The following MB21D2 variants were observed in gnomAD, a reference collection of about 807,000 sequenced individuals.
The protein encoded by MB21D2 is nucleotidyltransferase MB21D2.
In MB21D2, 9 loss-of-function variants were observed where a neutral mutation model predicts 33.3. The observed-to-expected ratio is 0.27, with a 90% CI of 0.16 to 0.47. The LOEUF (loss-of-function observed/expected upper bound fraction) is 0.47. Ranked by LOEUF, MB21D2 falls within the 20% of genes least tolerant of loss-of-function variation. The probability of loss-of-function intolerance (pLI) is 0.99; values close to 1 mark genes in which losing one functional copy is unlikely to be tolerated. For missense variants in MB21D2, 540 were observed against 624.6 expected (o/e 0.86, Z 1.44); for synonymous variants, 241 against 236.3 (o/e 1.02, Z -0.18).
intron 1 of MB21D2, among the ~76,000 whole-genome samples, chr3:192,898,326 A>G (rs1487395852): frequency 1.3e-5 from 2 of 151,872 alleles, no homozygotes; most frequent in African/African-American, 4.8e-5. Context: ...AGCAGCTGGG[A>G]CTACAGGTGT....
At position 192,871,144 on chromosome 3, in the gene MB21D2, G is replaced by A. The variant is rs141334398; in HGVS notation, c.211+46486C>T. 3.4e-3 allele frequency among the ~76,000 whole-genome samples: 514 copies of A among 152,264 alleles called. 1 individual carries two copies. The highest frequency in any genetic ancestry group is 0.012 in the African/African-American group (482 of 41,564). ...TCACACGGAACATGGGCATATTCACGAAGGCACGGACTGAGTCCATCTATT... is the reference window on the plus strand; with the variant it reads ...TCACACGGAACATGGGCATATTCACAAAGGCACGGACTGAGTCCATCTATT... On this transcript the variant is annotated intron_variant, in intron 1 of 1. Coordinates refer to ENST00000392452, the MANE Select transcript of MB21D2 (RefSeq NM_178496.4).
At chr3:192,838,982 G>C (rs1712511404) in intron 1 of MB21D2, among the ~76,000 whole-genome samples, 2 of 152,134 alleles carry the variant, frequency 1.3e-5, no homozygotes, top group African/African-American at 4.8e-5. Flanking sequence ...GCCTGGGTTT[G>C]AGACCCTACT....
chr3:192,868,889 G>A (rs1327143173), intron 1 of MB21D2, among the ~76,000 whole-genome samples: 14 of 152,298 alleles, frequency 9.2e-5, no homozygotes, highest in African/African-American at 3.4e-4. Context: ...AAATGACGTA[G>A]CCAATGAAAT....
At chr3:192,882,571 A>G (rs1713623298) in intron 1 of MB21D2, among the ~76,000 whole-genome samples, 1 of 152,060 alleles carries the variant, frequency 6.6e-6, no homozygotes, top group Admixed American at 6.5e-5. Context: ...GAGATGATGT[A>G]CCTGTGTTTC....
intron 1 of MB21D2, among the ~76,000 whole-genome samples, chr3:192,880,422 GGGTTCA>G (rs1713534793): frequency 6.6e-6 from 1 of 152,060 alleles, no homozygotes; most frequent in Admixed American, 6.5e-5. Flanking sequence ...ACAAAGTCTG[GGGTTCA>G]AGATATTTAT....
At chr3:192,905,115 T>C (rs1394282199) in intron 1 of MB21D2, among the ~76,000 whole-genome samples, 1 of 152,216 alleles carries the variant, frequency 6.6e-6, no homozygotes, top group East Asian at 1.9e-4. Flanking sequence ...CTGCAGCTGC[T>C]AAAAGGGTGA....
chr3:192,874,180 G>T (rs1398247831), intron 1 of MB21D2, among the ~76,000 whole-genome samples: 1 of 152,122 alleles, frequency 6.6e-6, no homozygotes, highest in East Asian at 1.9e-4. Flanking sequence ...GACCTGGGTA[G>T]CAGTAGTTAC....
intron 1 of MB21D2, among the ~76,000 whole-genome samples, chr3:192,850,894 T>C (rs905763578): frequency 3.3e-5 from 5 of 152,246 alleles, no homozygotes; most frequent in African/African-American, 1.2e-4. Flanking sequence ...TTTTTAAATA[T>C]GTCTTCTATC....
chr3:192,864,124 G>A (rs2108634969), intron 1 of MB21D2, among the ~76,000 whole-genome samples: 1 of 152,302 alleles, frequency 6.6e-6, no homozygotes. Flanking sequence ...ATCAGGGAAA[G>A]CTTTCTGTAA....
At chr3:192,908,676 CCA>C (rs1005061867) in intron 1 of MB21D2, among the ~76,000 whole-genome samples, 2 of 151,702 alleles carry the variant, frequency 1.3e-5, no homozygotes, top group African/African-American at 4.8e-5. Flanking sequence ...CCTCGGCCTC[CCA>C]AAGTGCTGGG....
chr3:192,895,128 C>T (rs1352466855), intron 1 of MB21D2, among the ~76,000 whole-genome samples: 6 of 152,128 alleles, frequency 3.9e-5, no homozygotes, highest in African/African-American at 1.2e-4. Flanking sequence ...CCATGGCTCC[C>T]GCTTCTCAAG....
intron 1 of MB21D2, among the ~76,000 whole-genome samples, chr3:192,900,537 G>A (rs572966997): frequency 2.6e-4 from 39 of 152,214 alleles, no homozygotes; most frequent in African/African-American, 8.7e-4. Context: ...TTTCGTTTAG[G>A]GTATTGATCA....
chr3:192,883,378 TAAGAA>T (rs932686920), intron 1 of MB21D2, among the ~76,000 whole-genome samples: 21 of 152,180 alleles, frequency 1.4e-4, no homozygotes, highest in Admixed American at 9.8e-4. Context: ...AAGAAAAACA[TAAGAA>T]AAGAAGATCT....
At chr3:192,858,843 C>G (rs1712975451) in intron 1 of MB21D2, among the ~76,000 whole-genome samples, 1 of 152,164 alleles carries the variant, frequency 6.6e-6, no homozygotes, top group Non-Finnish European at 1.5e-5. Context: ...GCAATATAGG[C>G]TCTATTTACA....
intron 1 of MB21D2, among the ~76,000 whole-genome samples, chr3:192,905,186 C>G (rs542079043): frequency 5.3e-5 from 8 of 152,228 alleles, no homozygotes; most frequent in Non-Finnish European, 1.0e-4. Flanking sequence ...GGCAGACTTA[C>G]AGTCTGCCTC....
At chr3:192,874,430 T>C (rs1237933483) in intron 1 of MB21D2, among the ~76,000 whole-genome samples, 2 of 152,206 alleles carry the variant, frequency 1.3e-5, no homozygotes, top group African/African-American at 4.8e-5. Context: ...AACCTCACAC[T>C]GTCTTATGTT....
intron 1 of MB21D2, among the ~76,000 whole-genome samples, chr3:192,850,077 C>A (rs1271816610): frequency 2.0e-5 from 3 of 152,044 alleles, no homozygotes; most frequent in Non-Finnish European, 4.4e-5. Flanking sequence ...TGCCACCACA[C>A]CAGGCTAATT....
chr3:192,880,432 T>C (rs879294256), intron 1 of MB21D2, among the ~76,000 whole-genome samples: 2 of 151,990 alleles, frequency 1.3e-5, no homozygotes, highest in Non-Finnish European at 2.9e-5. Flanking sequence ...GGGTTCAAGA[T>C]ATTTATTAGA....
At chr3:192,828,945 G>A (rs576704540) in intron 1 of MB21D2, among the ~76,000 whole-genome samples, 2 of 151,482 alleles carry the variant, frequency 1.3e-5, no homozygotes, top group African/African-American at 4.8e-5. Flanking sequence ...CAACGTGCCC[G>A]GCCAAAACTC....
Sources: allele counts gnomAD v4.1 joint callset (sites outside exome capture counted in the v4.1 genomes callset), GRCh38; gene constraint gnomAD v4.1.1; transcripts MANE v1.5; gene names NCBI Gene and HGNC (gene_info 2026-07-23, HGNC 2026-07-21).